PCDH11X: variants seen among roughly 807,000 people sequenced by gnomAD.
PCDH11X encodes protocadherin 11 X-linked.
A neutral mutation model predicts 53.3 loss-of-function variants in PCDH11X; 18 were observed. The ratio of observed to expected loss-of-function variants is 0.34; its 90% CI spans 0.23 to 0.50. The LOEUF (loss-of-function observed/expected upper bound fraction) is 0.50. Ranked by LOEUF, PCDH11X falls within the 20% of genes least tolerant of loss-of-function variation. PCDH11X has a pLI of 0.98. For missense variants in PCDH11X, 570 were observed against 1,032.4 expected (o/e 0.55, Z 6.14); for synonymous variants, 279 against 393.3 (o/e 0.71, Z 3.44).
At chrX:92,085,406 G>T (rs1184806741) in intron 6 of PCDH11X, among the ~76,000 whole-genome samples, 1 of 105,076 alleles carries the variant, frequency 9.5e-6, no homozygotes, top group Non-Finnish European at 1.9e-5. Flanking sequence ...CTGAATACTC[G>T]ATTTAAACCT....
At chrX:92,402,584 A>G (rs2071410134) in intron 9 of PCDH11X, among the ~76,000 whole-genome samples, 1 of 112,074 alleles carries the variant, frequency 8.9e-6, no homozygotes, top group Non-Finnish European at 1.9e-5. Flanking sequence ...CTATATGCAG[A>G]AGATTGAAGC....
At chrX:92,154,208 G>A (rs2759774) in intron 6 of PCDH11X, among the ~76,000 whole-genome samples, 2 of 111,233 alleles carry the variant, frequency 1.8e-5, no homozygotes, top group African/African-American at 3.3e-5. Flanking sequence ...ATTTCATTCC[G>A]TTATTGATCA....
intron 10 of PCDH11X, among the ~76,000 whole-genome samples, chrX:92,595,214 C>G: frequency 9.2e-6 from 1 of 108,560 alleles, no homozygotes; most frequent in East Asian, 2.9e-4. Context: ...TACACAGTCC[C>G]TGTTTAGGAG....
chrX:92,158,509 C>CA (rs1290304987), intron 6 of PCDH11X, among the ~76,000 whole-genome samples: 2 of 106,356 alleles, frequency 1.9e-5, no homozygotes, highest in East Asian at 3.0e-4. Context: ...GAGACTGTCT[C>CA]AAAAAAAAGA....
At chrX:92,193,957 G>A (rs777390131) in intron 6 of PCDH11X, among the ~76,000 whole-genome samples, 16 of 111,600 alleles carry the variant, frequency 1.4e-4, no homozygotes, top group Admixed American at 3.8e-4. Flanking sequence ...TGAATCATAC[G>A]TTTAGAAAAA....
At chrX:92,198,324 T>C (rs1369668937) in intron 6 of PCDH11X, among the ~76,000 whole-genome samples, 7 of 98,382 alleles carry the variant, frequency 7.1e-5, no homozygotes, top group Non-Finnish European at 1.0e-4. Context: ...GGTGGAAAGA[T>C]CACTTGATTC....
At chrX:91,933,624 T>C (rs1291730820) in intron 6 of PCDH11X, among the ~76,000 whole-genome samples, 1 of 111,511 alleles carries the variant, frequency 9.0e-6, no homozygotes, top group Non-Finnish European at 1.9e-5. Flanking sequence ...ACTATAATCC[T>C]GACATATTTT....
At chrX:92,193,446 G>T (rs1293453287) in intron 6 of PCDH11X, among the ~76,000 whole-genome samples, 3 of 110,705 alleles carry the variant, frequency 2.7e-5, no homozygotes, top group Admixed American at 1.9e-4. Context: ...CTTTGTAGGG[G>T]CTAGTTAAAT....
At chrX:92,602,157 C>T (rs1205235026) in intron 10 of PCDH11X, among the ~76,000 whole-genome samples, 2 of 110,899 alleles carry the variant, frequency 1.8e-5, no homozygotes, top group Non-Finnish European at 3.8e-5. Flanking sequence ...ATGATAAATA[C>T]AGAGAGCTCC....
chrX:92,176,900 G>C (rs951731914), intron 6 of PCDH11X, among the ~76,000 whole-genome samples: 1 of 110,675 alleles, frequency 9.0e-6, no homozygotes, highest in Non-Finnish European at 1.9e-5. Flanking sequence ...TGGGAGTGGG[G>C]AGCAAAGATC....
chrX:92,189,205 C>T lies in PCDH11X; in HGVS notation c.3034-12170C>T, dbSNP rs1008005612. On this transcript the variant is annotated intron_variant, in intron 6 of 10. Transcript: ENST00000682573. ...TCCATTAGCTATTCTTCCTGATGCT[C>T]TCCCTCCTCCAGCCCCATGACAGGC... Among the ~76,000 whole-genome samples, 4 of 110,958 alleles carry T rather than the reference C, an allele frequency of 3.6e-5. No individual in the cohort carries two copies. The East Asian group carries it at 8.5e-4, about 24-fold the overall frequency.
intron 10 of PCDH11X, among the ~76,000 whole-genome samples, chrX:92,469,933 A>G (rs1398819134): frequency 9.3e-6 from 1 of 108,094 alleles, no homozygotes; most frequent in Non-Finnish European, 1.9e-5. Context: ...TTTTTCAATT[A>G]ATGTGAAGAA....
chrX:92,383,023 C>G (rs1013930588), intron 8 of PCDH11X, among the ~76,000 whole-genome samples: 2 of 110,006 alleles, frequency 1.8e-5, no homozygotes, highest in African/African-American at 6.6e-5. Flanking sequence ...GAAGTTCAAG[C>G]AAAACATTAT....
At chrX:92,553,989 T>G (rs2075005885) in intron 10 of PCDH11X, among the ~76,000 whole-genome samples, 1 of 110,842 alleles carries the variant, frequency 9.0e-6, no homozygotes, top group Non-Finnish European at 1.9e-5. Context: ...CAGAGTCAGT[T>G]TTACTCAAAT....
chrX:91,947,970 C>T (rs2061596444), intron 6 of PCDH11X, among the ~76,000 whole-genome samples: 1 of 101,019 alleles, frequency 9.9e-6, no homozygotes, highest in Admixed American at 1.2e-4. Context: ...TGTCTCCTTC[C>T]TAATCTAGGC....
At chrX:92,310,206 T>A (rs1468691974) in intron 8 of PCDH11X, among the ~76,000 whole-genome samples, 4 of 112,289 alleles carry the variant, frequency 3.6e-5, no homozygotes, top group African/African-American at 1.3e-4. Flanking sequence ...CATGTTTTGC[T>A]TTTCTGTTCT....
At chrX:92,072,602 G>A (rs1368301875) in intron 6 of PCDH11X, among the ~76,000 whole-genome samples, 1 of 111,754 alleles carries the variant, frequency 8.9e-6, no homozygotes, top group Non-Finnish European at 1.9e-5. Context: ...GCTAAGGCTT[G>A]GAATGAGACC....
Position 92,240,456 on chromosome X carries a change from C to T in PCDH11X, c.3115-22658C>T, listed in dbSNP as rs1488969576. Among the ~76,000 whole-genome samples, 4 of 111,539 alleles carry T rather than the reference C, an allele frequency of 3.6e-5. No individual in the cohort carries two copies. In the Middle Eastern group the frequency reaches 0.014, roughly 387 times the overall value. ...GATTAGGAGACCCCGCCAAGTTAAT[C>T]GGCCTTTATGTCATATAATGCCACA... is the stretch of plus-strand genomic sequence containing the variant. On this transcript the variant is annotated intron_variant, in intron 7 of 10. Coordinates refer to ENST00000682573, the MANE Select transcript of PCDH11X (RefSeq NM_032968.5).
chrX:92,104,860 A>G (rs2064341641), intron 6 of PCDH11X, among the ~76,000 whole-genome samples: 1 of 110,159 alleles, frequency 9.1e-6, no homozygotes, highest in Non-Finnish European at 1.9e-5. Flanking sequence ...CACAGAGATA[A>G]GAGGTTGGGG....
Sources: gnomAD v4.1 joint callset for allele counts (sites outside exome capture counted in the v4.1 genomes callset) on GRCh38, gnomAD v4.1.1 for gene constraint, MANE v1.5 for transcripts, NCBI Gene and HGNC (gene_info 2026-07-23, HGNC 2026-07-21) for gene names.